ZNF600: variants seen among roughly 807,000 people sequenced by gnomAD.
ZNF600 encodes the protein zinc finger protein KR-ZNF1.
ZNF600 carries 4 observed loss-of-function variants against 7.3 expected under a neutral mutation model. The ratio of observed to expected loss-of-function variants is 0.55; its 90% CI spans 0.27 to 1.25. The LOEUF (loss-of-function observed/expected upper bound fraction) is 1.25, where lower values mean the gene tolerates loss of function less well. ZNF600 is among the 50% of genes most tolerant of loss of function. The probability of loss-of-function intolerance (pLI) is 0.12; values close to 1 mark genes in which losing one functional copy is unlikely to be tolerated. For missense variants in ZNF600, 911 were observed against 922.1 expected, an observed-to-expected ratio of 0.99 and a Z score of 0.16; for synonymous variants, 290 against 308.9, an observed-to-expected ratio of 0.94 and a Z score of 0.64.
the ZNF600 span, among the ~76,000 whole-genome samples, chr19:52,811,850 C>T: frequency 2.1e-3 from 298 of 144,702 alleles, no homozygotes; most frequent in African/African-American, 7.3e-3. Flanking sequence ...AAGTGAGGAC[C>T]CCTCTGCCCG....
At chr19:52,775,445 G>C (rs1456767872) in intron 2 of ZNF600, among the ~76,000 whole-genome samples, 1 of 151,838 alleles carries the variant, frequency 6.6e-6, no homozygotes. Context: ...AGCTACTCAA[G>C]AGGCTGAGGC....
chr19:52,801,683 C>T, the ZNF600 span: 299 of 1,611,572 alleles, frequency 1.9e-4, 1 homozygote, highest in African/African-American at 3.5e-3. Flanking sequence ...ATGTCTTCAT[C>T]ATGCATTTGG....
rs1284945847 is a variant in ZNF600 at position 52,774,471 on chromosome 19, AAAG to A, written c.190+101_190+103del. The A allele has an allele frequency of 1.9e-4, 180 of 971,108 alleles. No homozygotes were observed. In the African/African-American group the frequency reaches 3.0e-3, roughly 16 times the overall value. The allele number at this position is 971,108 out of a possible 1,614,324, so 60.2% of individuals were successfully genotyped here. A position where few individuals can be genotyped will look rare whatever the true frequency, so the allele number is the denominator to read the frequency against. ...CAAAAAAACAACCAAAAAAAAAAAA[AAAG>A]CCATGCATGGGGCAAAATCACAAAA... On this transcript the variant is annotated intron_variant, in intron 3 of 3. Coordinates refer to ENST00000648973, the Ensembl canonical transcript of ZNF600.
chr19:52,803,004 C>A, the ZNF600 span, among the ~76,000 whole-genome samples: 3 of 151,978 alleles, frequency 2.0e-5, no homozygotes, highest in Non-Finnish European at 4.4e-5. Context: ...CTTGTGATCC[C>A]CTTGCCTCAG....
chr19:52,800,461 T>C, the ZNF600 span: 1 of 1,613,710 alleles, frequency 6.2e-7, no homozygotes, highest in South Asian at 1.1e-5. Flanking sequence ...TTCTCTGCAG[T>C]ATGAAGTCTA....
the ZNF600 span, among the ~76,000 whole-genome samples, chr19:52,802,787 A>C: frequency 7.0e-6 from 1 of 143,806 alleles, no homozygotes; most frequent in East Asian, 2.0e-4. Context: ...TTGCGACGAA[A>C]TCTTGCTCTG....
At chr19:52,765,829 A>T (rs145055044) in exon 4 of ZNF600, 4 of 1,613,656 alleles carry the variant, frequency 2.5e-6, no homozygotes, top group Non-Finnish European at 3.4e-6. Flanking sequence ...ACTTTGTCAC[A>T]TGTTTCACAT....
At chr19:52,790,090 G>A (rs2062787525), upstream of ZNF600, among the ~76,000 whole-genome samples, 1 of 152,138 alleles carries the variant, frequency 6.6e-6, no homozygotes, top group Non-Finnish European at 1.5e-5. Context: ...TTTTGTGGTG[G>A]AATGTCATCA....
chr19:52,823,997 G>A, the ZNF600 span, among the ~76,000 whole-genome samples: 9 of 151,834 alleles, frequency 5.9e-5, no homozygotes, highest in East Asian at 1.4e-3. Flanking sequence ...CAGGAGACAC[G>A]GAGGTTGTGG....
At chr19:52,804,319 G>A in the ZNF600 span, among the ~76,000 whole-genome samples, 1 of 152,166 alleles carries the variant, frequency 6.6e-6, no homozygotes, top group Non-Finnish European at 1.5e-5. Context: ...TTTTTGAGAT[G>A]GAGTCATGCT....
chr19:52,802,047 T>C, the ZNF600 span, among the ~76,000 whole-genome samples: 1 of 152,160 alleles, frequency 6.6e-6, no homozygotes, highest in South Asian at 2.1e-4. Flanking sequence ...AAAATATATA[T>C]TCTTCATATT....
the ZNF600 span, among the ~76,000 whole-genome samples, chr19:52,831,669 A>AT: frequency 5.9e-5 from 9 of 151,400 alleles, no homozygotes; most frequent in South Asian, 4.2e-4. Context: ...CGCCCAGCTA[A>AT]TTTTTTTTGT....
chr19:52,800,677 T>A, the ZNF600 span: 54 of 1,613,844 alleles, frequency 3.3e-5, no homozygotes, highest in Non-Finnish European at 4.3e-5. Context: ...CTGAAAACTT[T>A]TTCACATTCT....
chr19:52,798,535 C>T, the ZNF600 span: 2 of 511,126 alleles, frequency 3.9e-6, no homozygotes, highest in East Asian at 1.1e-4. Context: ...TTCTGTCCAG[C>T]ATGGATTCTC....
At chr19:52,823,166 A>T in the ZNF600 span, among the ~76,000 whole-genome samples, 1,048 of 152,224 alleles carry the variant, frequency 6.9e-3, 13 homozygotes, top group African/African-American at 0.023. Context: ...AACTTTTTTT[A>T]AAATTTATAT....
chr19:52,800,745 A>G, the ZNF600 span: 1 of 1,591,232 alleles, frequency 6.3e-7, no homozygotes, highest in Non-Finnish European at 8.5e-7. Context: ...AAGGGTTGAC[A>G]GTCGATTAAA....
At chr19:52,766,542 G>C (rs769627634) in exon 4 of ZNF600, 1 of 1,613,840 alleles carries the variant, frequency 6.2e-7, no homozygotes, top group East Asian at 2.2e-5. Flanking sequence ...ATGAATTCTA[G>C]TATGTCTTAC....
intron 1 of ZNF600, among the ~76,000 whole-genome samples, chr19:52,782,286 A>G (rs1413749989): frequency 6.6e-6 from 1 of 151,996 alleles, no homozygotes; most frequent in South Asian, 2.1e-4. Flanking sequence ...CACCTTGGGA[A>G]GCTGAGGCGG....
the ZNF600 span, chr19:52,798,926 T>C: frequency 2.0e-3 from 2,818 of 1,434,182 alleles, 44 homozygotes; most frequent in African/African-American, 0.036. Flanking sequence ...GCCACACTCA[T>C]TGCACTTGTA....
Sources: allele counts gnomAD v4.1 joint callset (sites outside exome capture counted in the v4.1 genomes callset), GRCh38; gene constraint gnomAD v4.1.1; transcripts MANE v1.5; gene names NCBI Gene and HGNC (gene_info 2026-07-23, HGNC 2026-07-21).